The following NCKAP5 variants were observed in gnomAD, a reference collection of about 807,000 sequenced individuals.
NCKAP5 encodes the protein NCK associated protein 5.
In NCKAP5, 92 loss-of-function variants were observed where a neutral mutation model predicts 167.0. The observed-to-expected ratio is 0.55, with a 90% CI of 0.47 to 0.66. NCKAP5 has a LOEUF of 0.66. NCKAP5 is among the 30% of genes least tolerant of loss of function. The pLI, the probability that NCKAP5 is intolerant of heterozygous loss-of-function variation, is 0.00. For missense variants in NCKAP5, 2,378 were observed against 2,315.0 expected, an observed-to-expected ratio of 1.03 and a Z score of -0.56; for synonymous variants, 891 against 877.4, an observed-to-expected ratio of 1.02 and a Z score of -0.27.
At chr2:132,788,804 C>A (rs1683809202) in intron 13 of NCKAP5, among the ~76,000 whole-genome samples, 1 of 152,138 alleles carries the variant, frequency 6.6e-6, no homozygotes, top group African/African-American at 2.4e-5. Context: ...AATTCAAATT[C>A]ATATGATACA....
At chr2:133,614,325 A>G in the NCKAP5 span, among the ~76,000 whole-genome samples, 1 of 152,142 alleles carries the variant, frequency 6.6e-6, no homozygotes, top group African/African-American at 2.4e-5. Flanking sequence ...CTGAGAGAAG[A>G]AGGCTTCAGA....
intron 3 of NCKAP5, among the ~76,000 whole-genome samples, chr2:133,477,276 T>G (rs759182233): frequency 6.6e-6 from 1 of 152,256 alleles, no homozygotes; most frequent in Non-Finnish European, 1.5e-5. Context: ...TGGTTGCTCC[T>G]GCTGTAGGTT....
intron 5 of NCKAP5, among the ~76,000 whole-genome samples, chr2:133,152,827 CA>C (rs2083431197): frequency 6.6e-6 from 1 of 152,124 alleles, no homozygotes; most frequent in Admixed American, 6.5e-5. Flanking sequence ...GTTTAGATAT[CA>C]AATACTTACC....
chr2:133,021,150 A>C (rs1257041402), intron 6 of NCKAP5, among the ~76,000 whole-genome samples: 1 of 152,224 alleles, frequency 6.6e-6, no homozygotes, highest in Non-Finnish European at 1.5e-5. Context: ...AATAGTTTCC[A>C]TGCACTATGC....
intron 3 of NCKAP5, among the ~76,000 whole-genome samples, chr2:133,309,815 A>C (rs919810265): frequency 6.6e-6 from 1 of 152,340 alleles, no homozygotes; most frequent in African/African-American, 2.4e-5. Context: ...GAGGATCTTA[A>C]GTATCATTCA....
chr2:133,090,971 G>C (rs1390455836), intron 6 of NCKAP5, among the ~76,000 whole-genome samples: 1 of 151,946 alleles, frequency 6.6e-6, no homozygotes, highest in African/African-American at 2.4e-5. Flanking sequence ...GAGGTGACTG[G>C]ATCATGGAGG....
chr2:133,468,075 C>A (rs1300860923), intron 3 of NCKAP5, among the ~76,000 whole-genome samples: 3 of 119,016 alleles, frequency 2.5e-5, no homozygotes, highest in Admixed American at 9.0e-5. Flanking sequence ...TTTGCTCTTG[C>A]TTTTCTAGTT....
At chr2:132,837,305 A>C (rs888537548) in intron 11 of NCKAP5, among the ~76,000 whole-genome samples, 1 of 151,766 alleles carries the variant, frequency 6.6e-6, no homozygotes, top group African/African-American at 2.4e-5. Flanking sequence ...TGTCTTACTT[A>C]TTTCGCAATT....
the NCKAP5 span, among the ~76,000 whole-genome samples, chr2:133,627,698 AAAAG>A: frequency 3.3e-5 from 5 of 152,344 alleles, no homozygotes; most frequent in East Asian, 1.9e-4. Flanking sequence ...AAAAAAAGAA[AAAAG>A]AAAGAAAGAA....
chr2:132,836,897 C>A (rs983053892), intron 11 of NCKAP5, among the ~76,000 whole-genome samples: 1 of 152,136 alleles, frequency 6.6e-6, no homozygotes, highest in Non-Finnish European at 1.5e-5. Flanking sequence ...TGTATTAGGC[C>A]AAATACGTCT....
chr2:133,669,397 GT>G, the NCKAP5 span, among the ~76,000 whole-genome samples: 1 of 152,042 alleles, frequency 6.6e-6, no homozygotes, highest in African/African-American at 2.4e-5. Context: ...CATTTCAGTA[GT>G]ACTTCTTTTC....
chr2:133,244,050 T>C (rs965671078), intron 4 of NCKAP5, among the ~76,000 whole-genome samples: 12 of 152,224 alleles, frequency 7.9e-5, no homozygotes, highest in South Asian at 6.2e-4. Flanking sequence ...ACTGTTTTTC[T>C]GCATGGATTT....
chr2:133,662,144 G>C, the NCKAP5 span, among the ~76,000 whole-genome samples: 1 of 152,162 alleles, frequency 6.6e-6, no homozygotes, highest in Non-Finnish European at 1.5e-5. Context: ...TTCTAAGGAA[G>C]TGATTTGGAC....
the NCKAP5 span, among the ~76,000 whole-genome samples, chr2:133,643,554 C>T: frequency 3.9e-5 from 6 of 152,104 alleles, no homozygotes; most frequent in Non-Finnish European, 5.9e-5. Flanking sequence ...CAAATATACC[C>T]CCATTGCCAA....
intron 3 of NCKAP5, among the ~76,000 whole-genome samples, chr2:133,419,062 C>T (rs937018942): frequency 2.0e-5 from 3 of 152,164 alleles, no homozygotes; most frequent in Non-Finnish European, 2.9e-5. Flanking sequence ...GTTTAGAGCA[C>T]GCCTGCTTCT....
the NCKAP5 span, among the ~76,000 whole-genome samples, chr2:133,614,606 AT>A: frequency 6.6e-6 from 1 of 152,184 alleles, no homozygotes; most frequent in African/African-American, 2.4e-5. Context: ...AGAAAAAAGA[AT>A]AAAAAGAAAC....
chr2:133,008,177 T>C (rs1409557646), intron 6 of NCKAP5, among the ~76,000 whole-genome samples: 1 of 151,886 alleles, frequency 6.6e-6, no homozygotes, highest in Non-Finnish European at 1.5e-5. Flanking sequence ...CCTTTTCCCA[T>C]TGGGTGTTAC....
At chr2:133,091,906 A>C (rs1350497118) in intron 6 of NCKAP5, among the ~76,000 whole-genome samples, 2 of 152,084 alleles carry the variant, frequency 1.3e-5, no homozygotes, top group African/African-American at 4.8e-5. Context: ...TAAATAAATA[A>C]AGATGCTTGT....
Position 133,369,142 on chromosome 2 carries a change from G to A in NCKAP5, c.70-66032C>T, listed in dbSNP as rs567100822. Among the ~76,000 whole-genome samples the A allele has an allele frequency of 2.7e-3, 407 of 152,306 alleles. 2 individuals are homozygous for A. Among genetic ancestry groups the A allele is most frequent in the South Asian group, 4.4e-3 (21 of 4,826 alleles). ...TTTAGAAATGATGTGGAAAGAAATA[G>A]GAGCCATGGACAGCTTTCATCGAGG... On this transcript the variant is annotated intron_variant, in intron 3 of 19. Coordinates refer to ENST00000409261, the MANE Select transcript of NCKAP5 (RefSeq NM_207363.3).
Sources: allele counts gnomAD v4.1 joint callset (sites outside exome capture counted in the v4.1 genomes callset), GRCh38; gene constraint gnomAD v4.1.1; transcripts MANE v1.5; gene names NCBI Gene and HGNC (gene_info 2026-07-23, HGNC 2026-07-21).